The following TUSC3 variants were observed in gnomAD, a reference collection of about 807,000 sequenced individuals.
TUSC3 encodes dolichyl-diphosphooligosaccharide--protein glycosyltransferase subunit TUSC3.
In TUSC3, 45 loss-of-function variants were observed where a neutral mutation model predicts 44.8. The observed-to-expected ratio is 1.00, with a 90% CI of 0.79 to 1.29. The LOEUF (loss-of-function observed/expected upper bound fraction) is 1.29. TUSC3 is among the 50% of genes most tolerant of loss of function. TUSC3 has a pLI of 0.00. For missense variants in TUSC3, 519 were observed against 437.9 expected, an observed-to-expected ratio of 1.19 and a Z score of -1.65; for synonymous variants, 212 against 152.9, an observed-to-expected ratio of 1.39 and a Z score of -2.85.
chr8:15,482,950 G>A (rs1157465918), intron 1 of TUSC3, among the ~76,000 whole-genome samples: 1 of 152,074 alleles, frequency 6.6e-6, no homozygotes, highest in East Asian at 1.9e-4. Context: ...ATTAAAATAA[G>A]ACCTGTATAA....
chr8:15,691,803 C>CAG (rs71211072), intron 6 of TUSC3, among the ~76,000 whole-genome samples: 132,564 of 152,048 alleles, frequency 0.87, 58,008 homozygotes, highest in Non-Finnish European at 0.9. Context: ...TGTTTTGAGA[C>CAG]AGTCTCGCTC....
chr8:15,553,215 A>G, intron 1 of TUSC3, among the ~76,000 whole-genome samples: 1 of 151,782 alleles, frequency 6.6e-6, no homozygotes, highest in Non-Finnish European at 1.5e-5. Flanking sequence ...TGGGCTGATG[A>G]TAAAATAGAC....
chr8:15,775,649 TACAC>T, the TUSC3 span, among the ~76,000 whole-genome samples: 1 of 127,330 alleles, frequency 7.9e-6, no homozygotes, highest in South Asian at 2.5e-4. Context: ...TATATATATA[TACAC>T]ACACATATAC....
At chr8:15,561,835 GT>G (rs2129140235) in intron 1 of TUSC3, 1 of 152,866 alleles carries the variant, frequency 6.5e-6, no homozygotes, top group South Asian at 2.1e-4. Flanking sequence ...CGCTTCCCAA[GT>G]GAGGCAATGC....
chr8:15,778,055 C>T, the TUSC3 span, among the ~76,000 whole-genome samples: 1 of 151,104 alleles, frequency 6.6e-6, no homozygotes, highest in Non-Finnish European at 1.5e-5. Context: ...AGAGACTCTG[C>T]CTTCAATCTG....
chr8:15,621,494 A>G (rs1392213048), intron 1 of TUSC3, among the ~76,000 whole-genome samples: 2 of 115,126 alleles, frequency 1.7e-5, no homozygotes, highest in African/African-American at 2.9e-5. Flanking sequence ...ATATATATCT[A>G]TAAAATACAC....
At chr8:15,690,172 A>T (rs1808836909) in intron 6 of TUSC3, among the ~76,000 whole-genome samples, 1 of 152,126 alleles carries the variant, frequency 6.6e-6, no homozygotes, top group Non-Finnish European at 1.5e-5. Context: ...AATCTCGCCA[A>T]AATCTATTAT....
the TUSC3 span, among the ~76,000 whole-genome samples, chr8:15,846,511 G>A: frequency 6.6e-6 from 1 of 152,088 alleles, no homozygotes; most frequent in Non-Finnish European, 1.5e-5. Flanking sequence ...TATACACCAA[G>A]GAATACTATG....
chr8:15,656,957 C>G (rs1472757988), intron 3 of TUSC3, among the ~76,000 whole-genome samples: 1 of 152,178 alleles, frequency 6.6e-6, no homozygotes, highest in African/African-American at 2.4e-5. Flanking sequence ...CTACTTGATC[C>G]TTGGTGAGGG....
At chr8:15,748,892 G>C (rs1192776491) in intron 9 of TUSC3, 1 of 383,392 alleles carries the variant, frequency 2.6e-6, no homozygotes, top group South Asian at 1.9e-5. Context: ...CAACATGAAA[G>C]GGAAAAGTTA....
the TUSC3 span, among the ~76,000 whole-genome samples, chr8:15,815,521 C>G: frequency 1.3e-5 from 2 of 151,884 alleles, no homozygotes; most frequent in Non-Finnish European, 1.5e-5. Flanking sequence ...AAAGCTCAAG[C>G]CAAAACAATA....
intron 1 of TUSC3, among the ~76,000 whole-genome samples, chr8:15,562,851 T>C (rs1802529674): frequency 2.0e-5 from 3 of 152,142 alleles, no homozygotes; most frequent in African/African-American, 7.2e-5. Context: ...GTTTTCCTGA[T>C]TAGGTGAGGC....
At chr8:15,749,222 ACT>A (rs1174536517) in intron 9 of TUSC3, among the ~76,000 whole-genome samples, 2 of 152,160 alleles carry the variant, frequency 1.3e-5, no homozygotes, top group African/African-American at 2.4e-5. Flanking sequence ...GATTTTGAAG[ACT>A]CTGGTTAGGT....
intron 7 of TUSC3, chr8:15,733,703 C>CTAT (rs1810817870): frequency 6.5e-6 from 1 of 154,006 alleles, no homozygotes; most frequent in African/African-American, 2.4e-5. Flanking sequence ...TTAGACATAT[C>CTAT]TATTACTAAG....
chr8:15,683,103 G>C (rs1331761139), intron 6 of TUSC3, among the ~76,000 whole-genome samples: 1 of 152,096 alleles, frequency 6.6e-6, no homozygotes, highest in Non-Finnish European at 1.5e-5. Flanking sequence ...CGTTGACCTT[G>C]GAAAGGCTGA....
chr8:15,615,258 A>G (rs1295326676), intron 1 of TUSC3, among the ~76,000 whole-genome samples: 1 of 152,242 alleles, frequency 6.6e-6, no homozygotes, highest in Non-Finnish European at 1.5e-5. Flanking sequence ...GTATATACAC[A>G]ATGGAATGTT....
the TUSC3 span, among the ~76,000 whole-genome samples, chr8:15,844,953 T>TAC: frequency 6.6e-6 from 1 of 152,150 alleles, no homozygotes; most frequent in African/African-American, 2.4e-5. Flanking sequence ...AGAGATATAT[T>TAC]ACCTTGGCAT....
At chr8:15,524,221 T>TA (rs1801343162) in intron 2 of TUSC3, among the ~76,000 whole-genome samples, 1 of 152,134 alleles carries the variant, frequency 6.6e-6, no homozygotes, top group African/African-American at 2.4e-5. Flanking sequence ...ATACAAATAT[T>TA]AAATAGGAGT....
intron 1 of TUSC3, among the ~76,000 whole-genome samples, chr8:15,456,485 G>C (rs1800258164): frequency 6.6e-6 from 1 of 152,100 alleles, no homozygotes; most frequent in Non-Finnish European, 1.5e-5. Flanking sequence ...GAAAAGAGAG[G>C]AGGGCTTCCA....
Sources: allele counts gnomAD v4.1 joint callset (sites outside exome capture counted in the v4.1 genomes callset), GRCh38; gene constraint gnomAD v4.1.1; transcripts MANE v1.5; gene names NCBI Gene and HGNC (gene_info 2026-07-23, HGNC 2026-07-21).